The following PRSS23 variants were observed in gnomAD, a reference collection of about 807,000 sequenced individuals.
PRSS23 encodes serine protease 23.
A neutral mutation model predicts 34.7 loss-of-function variants in PRSS23; 25 were observed. The ratio of observed to expected loss-of-function variants is 0.72; its 90% CI spans 0.53 to 1.01. PRSS23 has a LOEUF of 1.01. PRSS23 is among the 50% of genes least tolerant of loss of function. The pLI is 0.00. For missense variants in PRSS23, 445 were observed against 475.6 expected (o/e 0.94, Z 0.60); for synonymous variants, 176 against 186.6 (o/e 0.94, Z 0.46).
chr11:86,865,712 C>T (rs952943860), intron 2 of PRSS23, among the ~76,000 whole-genome samples: 5 of 152,188 alleles, frequency 3.3e-5, no homozygotes, highest in Admixed American at 6.5e-5. Flanking sequence ...CTGAGGACTC[C>T]GTGGACAGTG....
At chr11:86,796,434 G>T (rs1947981199), upstream of PRSS23, among the ~76,000 whole-genome samples, 1 of 151,890 alleles carries the variant, frequency 6.6e-6, no homozygotes, top group Admixed American at 6.5e-5. Flanking sequence ...GAGGTCAGGA[G>T]ATCGAGACCA....
intron 1 of PRSS23, among the ~76,000 whole-genome samples, chr11:86,807,265 G>A (rs556737657): frequency 1.3e-5 from 2 of 152,206 alleles, no homozygotes; most frequent in South Asian, 2.1e-4. Context: ...AAGAGGAGGA[G>A]GTTTAGAATC....
At chr11:86,914,042 T>TGAA (rs1555081477) in intron 2 of PRSS23, among the ~76,000 whole-genome samples, 2 of 114,928 alleles carry the variant, frequency 1.7e-5, no homozygotes, top group Non-Finnish European at 3.3e-5. Flanking sequence ...CCATCTCTAC[T>TGAA]AAAAAAAAAA....
intron 2 of PRSS23, among the ~76,000 whole-genome samples, chr11:86,914,939 T>C (rs902166820): frequency 1.4e-4 from 22 of 152,168 alleles, no homozygotes; most frequent in African/African-American, 5.3e-4. Flanking sequence ...GGGGCACAAA[T>C]AACCACGAGG....
rs542897496 is a variant in PRSS23, at chr11:86,838,643, G to A, written c.206+15050G>A. 3.3e-5 allele frequency among the ~76,000 whole-genome samples: 5 copies of A among 152,328 alleles called. No homozygotes were observed. In the South Asian group the frequency reaches 1.0e-3, roughly 32 times the overall value. ...GTGGTTCTCTCAGCATGGCATTCGA[G>A]CTCCAAGAACAGACATACTGCCTCC... On this transcript the variant is annotated intron_variant, in intron 2 of 2. Transcript: ENST00000533902.
intron 2 of PRSS23, among the ~76,000 whole-genome samples, chr11:86,847,796 GC>G (rs1403711362): frequency 1.1e-4 from 16 of 152,134 alleles, no homozygotes; most frequent in Non-Finnish European, 1.9e-4. Flanking sequence ...TCTACAACTA[GC>G]TCTTTTCTGT....
At chr11:86,925,500 C>A (rs936882546) in intron 2 of PRSS23, among the ~76,000 whole-genome samples, 9 of 152,130 alleles carry the variant, frequency 5.9e-5, no homozygotes, top group Non-Finnish European at 1.2e-4. Context: ...TGATTCTGAA[C>A]TCCCTGGCAA....
In PRSS23 at chr11:86,800,581, G is replaced by T. The variant is rs1174823964; in HGVS notation, c.-84G>T. 5.1e-6 allele frequency: 5 copies of T among 984,864 alleles called. No individual in the cohort carries two copies. The highest frequency in any genetic ancestry group is 1.7e-5 in the African/African-American group (1 of 57,184). The allele number at this position is 984,864 out of a possible 1,614,324, so 61.0% of individuals were successfully genotyped here. On this transcript the variant is annotated 5_prime_UTR_variant, in exon 1 of 2. Coordinates refer to ENST00000280258, the MANE Select transcript of PRSS23 (RefSeq NM_007173.6). Reference sequence around the variant, plus strand: ...GGCGGGGCAGGCATGGGAGCCGCGCGCTCTCTCCCGGCGCCCACACCTGTC... The same window carrying T: ...GGCGGGGCAGGCATGGGAGCCGCGCTCTCTCTCCCGGCGCCCACACCTGTC...
chr11:86,796,018 A>G (rs1947978231), upstream of PRSS23, among the ~76,000 whole-genome samples: 1 of 152,186 alleles, frequency 6.6e-6, no homozygotes, highest in Admixed American at 6.5e-5. Flanking sequence ...ATTCAGTCCC[A>G]TCTTGTTTCC....
In PRSS23 at chr11:86,866,013, G is replaced by C. The variant is rs1031033627; in HGVS notation, c.206+42420G>C. Among the ~76,000 whole-genome samples, 8 of 152,266 alleles carry C rather than the reference G, an allele frequency of 5.3e-5. No homozygotes were observed. The South Asian group carries it at 1.7e-3, about 32-fold the overall frequency. Reference sequence around the variant, plus strand: ...ATGTCTGGGAGTCACGCTTCATATTGCTGGAACAAGAGACAAGCCTAATCT... The same window carrying C: ...ATGTCTGGGAGTCACGCTTCATATTCCTGGAACAAGAGACAAGCCTAATCT... On this transcript the variant is annotated intron_variant, in intron 2 of 2. Coordinates refer to the PRSS23 transcript ENST00000533902.
intron 2 of PRSS23, among the ~76,000 whole-genome samples, chr11:86,866,588 G>A (rs1429294460): frequency 6.6e-6 from 1 of 152,142 alleles, no homozygotes; most frequent in Middle Eastern, 3.2e-3. Context: ...TAGACTCTGG[G>A]TATTTAAGGA....
intron 2 of PRSS23, among the ~76,000 whole-genome samples, chr11:86,831,753 G>A (rs904309105): frequency 2.0e-5 from 3 of 151,758 alleles, no homozygotes; most frequent in Non-Finnish European, 2.9e-5. Flanking sequence ...CATAATGCTT[G>A]TACACCTTGT....
chr11:86,939,980 G>A (rs1949196500), intron 2 of PRSS23, among the ~76,000 whole-genome samples: 1 of 152,144 alleles, frequency 6.6e-6, no homozygotes, highest in South Asian at 2.1e-4. Context: ...AAATCTACAT[G>A]GGAGACATGA....
intron 1 of PRSS23, among the ~76,000 whole-genome samples, chr11:86,803,095 C>CG (rs1948058870): frequency 6.6e-6 from 1 of 152,158 alleles, no homozygotes; most frequent in Admixed American, 6.5e-5. Context: ...AAATGATGCA[C>CG]GGAAACACTT....
rs1948137535 is a variant in PRSS23 at position 86,808,581 on chromosome 11, C to G, written c.938C>G (p.Pro313Arg). 6.2e-7 allele frequency: 1 copy of G among 1,614,062 alleles called. No individual in the cohort carries two copies. The highest frequency in any genetic ancestry group is 1.7e-5 in the Admixed American group (1 of 60,000). Residue 313 changes from proline (P) to arginine (R), a missense_variant, in exon 2 of 2, where the codon CCA becomes CGA. By Grantham distance (103) the Pro-to-Arg change is moderately radical. Coordinates refer to ENST00000280258, the MANE Select transcript of PRSS23 (RefSeq NM_007173.6). ...DLLYQQCDAQ[P>R]GASGSGVYVR... ...CTCTACCAGCAATGCGATGCCCAGC[C>G]AGGGGCCAGCGGGTCTGGGGTCTAT...
chr11:86,810,986 A>T lies in PRSS23; in HGVS notation c.*2191A>T, dbSNP rs1015573531. The stretch of plus-strand genomic sequence containing the variant: ...TGTTAGTTATACATATTAGAAGCAT[A>T]TTTGCCTAGTAAGGCTAGTAGAACC... On this transcript the variant is annotated 3_prime_UTR_variant, in exon 2 of 2. Transcript: ENST00000280258. The T allele has an allele frequency of 6.0e-6, 1 of 166,784 alleles. No individual in the cohort carries two copies. The highest frequency in any genetic ancestry group is 1.5e-5 in the Non-Finnish European group (1 of 68,126). 10.3% of individuals were successfully genotyped at this position (166,784 alleles called of 1,614,324 possible).
At chr11:86,887,826 C>A (rs1224695154) in intron 2 of PRSS23, among the ~76,000 whole-genome samples, 1 of 152,002 alleles carries the variant, frequency 6.6e-6, no homozygotes, top group Non-Finnish European at 1.5e-5. Flanking sequence ...CCGAGGTGGG[C>A]AGATCACCTG....
At chr11:86,855,453 C>T (rs994678515) in intron 2 of PRSS23, among the ~76,000 whole-genome samples, 5 of 152,096 alleles carry the variant, frequency 3.3e-5, no homozygotes, top group African/African-American at 1.2e-4. Flanking sequence ...CTTTTCTTCC[C>T]AGCCTCTGCT....
At chr11:86,849,144 A>T (rs1482024915) in intron 2 of PRSS23, among the ~76,000 whole-genome samples, 3 of 152,188 alleles carry the variant, frequency 2.0e-5, no homozygotes, top group Non-Finnish European at 4.4e-5. Flanking sequence ...AGGGCCAGGA[A>T]GTACACTTCC....
Sources: allele counts gnomAD v4.1 joint callset (sites outside exome capture counted in the v4.1 genomes callset), GRCh38; gene constraint gnomAD v4.1.1; transcripts MANE v1.5; gene names NCBI Gene and HGNC (gene_info 2026-07-23, HGNC 2026-07-21).